UFSP2: variants seen among roughly 807,000 people sequenced by gnomAD.
UFSP2 encodes UFM1 specific peptidase 2.
A neutral mutation model predicts 60.2 loss-of-function variants in UFSP2; 43 were observed. The observed-to-expected ratio is 0.71, with a 90% CI of 0.56 to 0.92. UFSP2 has a LOEUF of 0.92. Among genes scored for constraint, UFSP2 ranks in the 40% least tolerant of loss-of-function variants. The pLI is 0.00. For missense variants in UFSP2, 520 were observed against 575.0 expected (o/e 0.90, Z 0.98); for synonymous variants, 183 against 195.1 (o/e 0.94, Z 0.52).
At chr4:185,420,192 T>C (rs112559816) in intron 2 of UFSP2, among the ~76,000 whole-genome samples, 4 of 148,930 alleles carry the variant, frequency 2.7e-5, no homozygotes, top group African/African-American at 4.9e-5. Context: ...GGTTTTTTTT[T>C]CCTCTGTATG....
In UFSP2 at chr4:185,399,770, G is replaced by A. The variant is rs2095510909; in HGVS notation, c.*622C>T. 1 of 1,614,044 alleles carries A rather than the reference G, an allele frequency of 6.2e-7. No homozygotes were observed. The highest frequency in any genetic ancestry group is 8.5e-7 in the Non-Finnish European group (1 of 1,179,982). ...GAAAATACCAGTGGGAAAAGGAAGT[G>A]CTGGTAAGTAACTCAGAGCTGCTGC... On this transcript the variant is annotated 3_prime_UTR_variant, in exon 12 of 12. Transcript: ENST00000264689.
rs1397680474 is a variant in UFSP2 at position 185,422,648 on chromosome 4, T to G, written c.4-85A>C. ...ATAAATTAGAATCTAAGTTTAGTGTTAAGACATTAATTAACCTTGATTCTT... is the reference window on the plus strand; with the variant it reads ...ATAAATTAGAATCTAAGTTTAGTGTGAAGACATTAATTAACCTTGATTCTT... On this transcript the variant is annotated intron_variant, in intron 1 of 11. Coordinates refer to ENST00000264689, the MANE Select transcript of UFSP2 (RefSeq NM_018359.5). 8.1e-6 allele frequency: 7 copies of G among 867,254 alleles called. No individual in the cohort carries two copies. In the South Asian group the frequency reaches 1.3e-4, roughly 16 times the overall value. 53.7% of individuals were successfully genotyped at this position (867,254 alleles called of 1,614,324 possible). A position where few individuals can be genotyped will look rare whatever the true frequency, so the allele number is the denominator to read the frequency against.
intron 7 of UFSP2, among the ~76,000 whole-genome samples, chr4:185,409,171 A>G (rs2095525080): frequency 6.6e-6 from 1 of 152,198 alleles, no homozygotes; most frequent in Non-Finnish European, 1.5e-5. Flanking sequence ...TGAAGGGTCC[A>G]TATCATGGGA....
Position 185,413,781 on chromosome 4 carries a change from C to G in UFSP2, c.776G>C (p.Gly259Ala). The part of the protein sequence containing the change: ...YHFPDEPYKD[G>A]YIRNPHTYLN... ...GTAAGTATGTGGATTTCTAATGTAA[C>G]CATCTTTGTATGGCTCATCTGGAAA... The change falls in exon 7 of 12, where the codon GGT becomes GCT. Residue 259 changes from glycine (G) to alanine (A), a missense_variant. Transcript: ENST00000264689. 6.2e-7 allele frequency: 1 copy of G among 1,613,522 alleles called. No homozygotes were observed. The highest frequency in any genetic ancestry group is 8.5e-7 in the Non-Finnish European group (1 of 1,179,708).
intron 10 of UFSP2, among the ~76,000 whole-genome samples, chr4:185,405,010 T>C (rs2126879238): frequency 6.6e-6 from 1 of 151,120 alleles, no homozygotes; most frequent in African/African-American, 2.4e-5. Context: ...TTCTTTTTTT[T>C]TTTTTTTTCT....
Position 185,399,663 on chromosome 4 carries a change from G to T in UFSP2, c.*729C>A. Reference sequence around the variant, plus strand: ...AGTTTCTTACAACAATTAAATGTATGCAGACAATAAAAGCAAGTGAACACC... The same window carrying T: ...AGTTTCTTACAACAATTAAATGTATTCAGACAATAAAAGCAAGTGAACACC... On this transcript the variant is annotated 3_prime_UTR_variant, in exon 12 of 12. Coordinates refer to ENST00000264689, the MANE Select transcript of UFSP2 (RefSeq NM_018359.5). The T allele has an allele frequency of 6.2e-7, 1 of 1,614,184 alleles. No individual in the cohort carries two copies. The highest frequency in any genetic ancestry group is 8.5e-7 in the Non-Finnish European group (1 of 1,180,026).
chr4:185,420,506 T>A (rs2095547495), intron 2 of UFSP2, among the ~76,000 whole-genome samples: 1 of 152,164 alleles, frequency 6.6e-6, no homozygotes, highest in Non-Finnish European at 1.5e-5. Context: ...ATTTAAAAAA[T>A]AAATAAATAA....
chr4:185,418,655 A>G lies in UFSP2; in HGVS notation c.198T>C (p.Ser66=), dbSNP rs763944488. Residue 66 remains serine, a synonymous_variant, in exon 3 of 12, where the codon AGT becomes AGC. Coordinates refer to ENST00000264689, the MANE Select transcript of UFSP2 (RefSeq NM_018359.5). ...GTTCTCCAGGAATGGTGTTTATGTCACTGCTAGGCCATATATACACTGAAC... is the reference window on the plus strand; with the variant it reads ...GTTCTCCAGGAATGGTGTTTATGTCGCTGCTAGGCCATATATACACTGAAC... ...CHSSVYIWPS[S]DINTIPGELT... The G allele has an allele frequency of 6.2e-7, 1 of 1,613,988 alleles. No homozygotes were observed. The highest frequency in any genetic ancestry group is 8.5e-7 in the Non-Finnish European group (1 of 1,179,980).
intron 2 of UFSP2, among the ~76,000 whole-genome samples, chr4:185,421,831 A>G (rs1290068393): frequency 6.6e-6 from 1 of 152,166 alleles, no homozygotes; most frequent in East Asian, 1.9e-4. Context: ...GGTGTTAACT[A>G]TCACCCTTCA....
At position 185,425,910 on chromosome 4, in the gene UFSP2, A is replaced by G. The variant is rs1580094603; in HGVS notation, c.-42T>C. The G allele has an allele frequency of 3.2e-6, 5 of 1,581,652 alleles. No homozygotes were observed. Among genetic ancestry groups the G allele is most frequent in the African/African-American group, 1.3e-5 (1 of 74,574 alleles). On this transcript the variant is annotated 5_prime_UTR_variant, in exon 1 of 12. Coordinates refer to ENST00000264689, the MANE Select transcript of UFSP2 (RefSeq NM_018359.5). ...TGACACGGGCGCTGACGCCTGCCCA[A>G]AAGTTCCGGGGGCCGGCCCTGAAGT...
intron 7 of UFSP2, among the ~76,000 whole-genome samples, chr4:185,410,602 C>CA (rs1397568022): frequency 2.0e-5 from 3 of 151,380 alleles, no homozygotes; most frequent in African/African-American, 7.3e-5. Flanking sequence ...GAGCTGAGAT[C>CA]ATGCCACTGC....
At chr4:185,411,369 C>T (rs893712070) in intron 7 of UFSP2, among the ~76,000 whole-genome samples, 1 of 151,744 alleles carries the variant, frequency 6.6e-6, no homozygotes, top group Non-Finnish European at 1.5e-5. Context: ...ATAAACTTCT[C>T]TAAAAAACTA....
chr4:185,407,963 C>T lies in UFSP2; in HGVS notation c.1094G>A (p.Gly365Asp), dbSNP rs2095523268. The T allele has an allele frequency of 1.2e-6, 2 of 1,613,946 alleles. No individual in the cohort carries two copies. The highest frequency in any genetic ancestry group is 2.2e-5 in the South Asian group (2 of 91,068). Residue 365 changes from glycine to aspartate, a missense_variant, in exon 9 of 12, where the codon GGT becomes GAT. Physicochemically the swap from Gly to Asp is moderately conservative, Grantham distance 94. Coordinates refer to ENST00000264689, the MANE Select transcript of UFSP2 (RefSeq NM_018359.5). ...GACAAACAGGATTTTTGACGTTATA[C>T]CGATCAATTGGTTTAGTACCAGCTG... ...EVQLVLNQLI[G>D]ITSKILFVSQ...
chr4:185,399,748 A>G lies in UFSP2; in HGVS notation c.*644T>C. On this transcript the variant is annotated 3_prime_UTR_variant, in exon 12 of 12. Coordinates refer to ENST00000264689, the MANE Select transcript of UFSP2 (RefSeq NM_018359.5). ...GAAACGGAGTCTCGGAAGTGTAGAA[A>G]ATACCAGTGGGAAAAGGAAGTGCTG... 3 of 1,614,130 alleles carry G rather than the reference A, an allele frequency of 1.9e-6. No homozygotes were observed. Among genetic ancestry groups the G allele is most frequent in the Non-Finnish European group, 2.5e-6 (3 of 1,180,008 alleles).
At position 185,399,662 on chromosome 4, in the gene UFSP2, T is replaced by G; in HGVS notation, c.*730A>C. 5 of 1,614,204 alleles carry G rather than the reference T, an allele frequency of 3.1e-6. No individual in the cohort carries two copies. Among genetic ancestry groups the G allele is most frequent in the Non-Finnish European group, 4.2e-6 (5 of 1,180,032 alleles). The stretch of plus-strand genomic sequence containing the variant: ...AAGTTTCTTACAACAATTAAATGTA[T>G]GCAGACAATAAAAGCAAGTGAACAC... On this transcript the variant is annotated 3_prime_UTR_variant, in exon 12 of 12. Coordinates refer to ENST00000264689, the MANE Select transcript of UFSP2 (RefSeq NM_018359.5).
intron 4 of UFSP2, among the ~76,000 whole-genome samples, chr4:185,417,468 G>A (rs2095540722): frequency 6.6e-6 from 1 of 152,132 alleles, no homozygotes; most frequent in Non-Finnish European, 1.5e-5. Flanking sequence ...GATCTTGCCA[G>A]TTAGTTTCCA....
Position 185,413,831 on chromosome 4 carries a change from AT to A in UFSP2, c.725del (p.Tyr242PhefsTer36). 7 of 1,613,374 alleles carry A rather than the reference AT, an allele frequency of 4.3e-6. No individual in the cohort carries two copies. The highest frequency in any genetic ancestry group is 5.9e-6 in the Non-Finnish European group (7 of 1,179,648). On this transcript the variant is annotated frameshift_variant, in exon 7 of 12. Transcript: ENST00000264689. LOFTEE classifies it high-confidence loss of function. The part of the protein sequence containing the change: ...DLFNLPHDRP[Y>X]FKRSNAYHFP... ...AGTGATAAGCATTAGACCTTTTGAAATAGGGTCTGTCGTGAGGCAGATTGAA... is the reference window on the plus strand; with the variant it reads ...AGTGATAAGCATTAGACCTTTTGAAAAGGGTCTGTCGTGAGGCAGATTGAA...
At chr4:185,409,298 TA>T (rs1158304171) in intron 7 of UFSP2, among the ~76,000 whole-genome samples, 1 of 152,222 alleles carries the variant, frequency 6.6e-6, no homozygotes, top group Non-Finnish European at 1.5e-5. Context: ...TAATATCATA[TA>T]AATTCTTACT....
At chr4:185,403,989 A>C (rs1214611165) in intron 10 of UFSP2, among the ~76,000 whole-genome samples, 1 of 146,902 alleles carries the variant, frequency 6.8e-6, no homozygotes, top group Non-Finnish European at 1.5e-5. Context: ...AAAAAAAAAC[A>C]ACATTACTTT....
Sources: gnomAD v4.1 joint callset for allele counts (sites outside exome capture counted in the v4.1 genomes callset) on GRCh38, gnomAD v4.1.1 for gene constraint, MANE v1.5 for transcripts, NCBI Gene and HGNC (gene_info 2026-07-23, HGNC 2026-07-21) for gene names.